CYREN: variants seen among roughly 807,000 people sequenced by gnomAD.
CYREN encodes cell cycle regulator of NHEJ.
Under a neutral mutation model 9.7 loss-of-function variants are expected in CYREN, and 7 were observed. The ratio of observed to expected loss-of-function variants is 0.72; its 90% CI spans 0.41 to 1.36. The LOEUF is 1.36. CYREN is among the 40% of genes most tolerant of loss of function. CYREN has a pLI of 0.01. For synonymous variants in CYREN, 76 were observed against 77.9 expected, an observed-to-expected ratio of 0.98 and a Z score of 0.13; for missense variants, 215 against 198.1, an observed-to-expected ratio of 1.09 and a Z score of -0.51.
chr7:135,145,509 T>G (rs772029467), intron 2 of CYREN, among the ~76,000 whole-genome samples: 10 of 152,174 alleles, frequency 6.6e-5, no homozygotes, highest in Non-Finnish European at 1.5e-4. Context: ...TGGGGCAGGT[T>G]GGAAGGGTCT....
chr7:135,170,369 G>C (rs868245346), intron 1 of CYREN: 5 of 152,462 alleles, frequency 3.3e-5, no homozygotes, highest in African/African-American at 1.2e-4. Flanking sequence ...CTCCCTCTGC[G>C]GGCCGGTACC....
intron 2 of CYREN, among the ~76,000 whole-genome samples, chr7:135,100,930 T>C (rs1264461184): frequency 6.6e-6 from 1 of 152,200 alleles, no homozygotes; most frequent in Non-Finnish European, 1.5e-5. Flanking sequence ...GCCTACATCA[T>C]GAGACTGATC....
chr7:135,124,826 A>T (rs897649227), intron 2 of CYREN, among the ~76,000 whole-genome samples: 1 of 152,220 alleles, frequency 6.6e-6, no homozygotes, highest in African/African-American at 2.4e-5. Flanking sequence ...TTAAAGCAGA[A>T]ATCAAGAAGT....
intron 3 of CYREN, 107 bp from the exon 4 acceptor site, chr7:135,166,978 T>C: frequency 6.5e-7 from 1 of 1,528,082 alleles, no homozygotes; most frequent in Non-Finnish European, 8.8e-7. Context: ...AAAGCCAATG[T>C]GACCAGGCCA....
At chr7:135,171,316 T>TTG (rs1830643615), upstream of CYREN, among the ~76,000 whole-genome samples, 1 of 16,876 alleles carries the variant, frequency 5.9e-5, no homozygotes, top group African/African-American at 7.7e-5. Context: ...CCTGTTTTTT[T>TTG]TTTTTTTTTT....
chr7:135,161,394 T>C (rs1394733679), downstream of CYREN, among the ~76,000 whole-genome samples: 1 of 152,124 alleles, frequency 6.6e-6, no homozygotes, highest in Non-Finnish European at 1.5e-5. The surrounding 1 kb of genome is among the most constrained non-coding windows in gnomAD (Gnocchi z 4.1). Context: ...GAGGGAGTGT[T>C]TAAACAAAGG....
intron 2 of CYREN, among the ~76,000 whole-genome samples, chr7:135,098,675 G>A (rs909370898): frequency 1.3e-5 from 2 of 152,164 alleles, no homozygotes; most frequent in African/African-American, 4.8e-5. Flanking sequence ...GCATTTAAGT[G>A]AGAATACACT....
intron 2 of CYREN, chr7:135,115,299 T>G: frequency 2.2e-6 from 2 of 906,332 alleles, no homozygotes; most frequent in Non-Finnish European, 3.3e-6. Context: ...TTAGATAAAA[T>G]CCTTGGCATA....
intron 2 of CYREN, among the ~76,000 whole-genome samples, chr7:135,124,473 A>G (rs1827583782): frequency 6.6e-6 from 1 of 152,224 alleles, no homozygotes; most frequent in South Asian, 2.1e-4. Flanking sequence ...CACTGTCAAT[A>G]TTAGACAGAT....
chr7:135,115,418 A>G (rs948169143), intron 2 of CYREN: 11 of 1,551,190 alleles, frequency 7.1e-6, no homozygotes, highest in African/African-American at 6.8e-5. Flanking sequence ...AAAAGAATGC[A>G]TATCTTTCCA....
chr7:135,144,830 G>A (rs1829513740), intron 2 of CYREN, among the ~76,000 whole-genome samples: 1 of 150,234 alleles, frequency 6.7e-6, no homozygotes, highest in Non-Finnish European at 1.5e-5. Context: ...CTACTTAGGA[G>A]GCTGAGGTGG....
At chr7:135,148,486 C>G (rs947393618) in intron 2 of CYREN, among the ~76,000 whole-genome samples, 9 of 152,310 alleles carry the variant, frequency 5.9e-5, no homozygotes, top group East Asian at 3.9e-4. Context: ...TCTTCGGCAT[C>G]AACATGTGTA....
exon 3 of CYREN, chr7:135,092,442 CTT>C (rs1404626498): frequency 6.6e-6 from 1 of 152,088 alleles, no homozygotes; most frequent in African/African-American, 2.4e-5. Flanking sequence ...TATATTCAAC[CTT>C]TGTTACATAA....
chr7:135,168,262 C>G (rs927264667), intron 2 of CYREN: 1 of 165,686 alleles, frequency 6.0e-6, no homozygotes, highest in Non-Finnish European at 1.2e-5. Flanking sequence ...GGGCCCCGCC[C>G]ACTTCACAGT....
chr7:135,142,097 C>A (rs1223828089), intron 2 of CYREN, among the ~76,000 whole-genome samples: 2 of 152,016 alleles, frequency 1.3e-5, no homozygotes, highest in Non-Finnish European at 2.9e-5. Context: ...TCCAGAATAT[C>A]TTTGTTAGTT....
chr7:135,156,962 C>T (rs1052645992), intron 2 of CYREN, among the ~76,000 whole-genome samples: 2 of 152,142 alleles, frequency 1.3e-5, no homozygotes, highest in Non-Finnish European at 2.9e-5. Flanking sequence ...CTTTTGCTTC[C>T]TCCTCATTTT....
rs377180518 is a variant in CYREN at position 135,108,180 on chromosome 7, T to C, written n.357-13598A>G. Among the ~76,000 whole-genome samples, 17 of 152,322 alleles carry C rather than the reference T, an allele frequency of 1.1e-4. No individual in the cohort carries two copies. In the South Asian group the frequency reaches 3.3e-3, roughly 30 times the overall value. ...TGTTTTTTTCCAGCTTGCCACTCTG[T>C]ACCTTTTAAATGGGGGCATTTAGCC... is the stretch of plus-strand genomic sequence containing the variant. On this transcript the variant is annotated intron_variant and non_coding_transcript_variant, in intron 2 of 2. Coordinates refer to the CYREN transcript ENST00000459937.
chr7:135,169,219 C>A, intron 1 of CYREN, 159 bp from the exon 2 acceptor site: 1 of 245,646 alleles, frequency 4.1e-6, no homozygotes, highest in Non-Finnish European at 7.9e-6. Context: ...GACAGCAGCT[C>A]AGGAGAGAGC....
chr7:135,116,534 G>A (rs1394798678), intron 2 of CYREN, among the ~76,000 whole-genome samples: 2 of 152,162 alleles, frequency 1.3e-5, no homozygotes, highest in Admixed American at 1.3e-4. Flanking sequence ...AGAGAAAGAG[G>A]TACTTCATTT....
Sources: allele counts gnomAD v4.1 joint callset (sites outside exome capture counted in the v4.1 genomes callset), GRCh38; gene constraint gnomAD v4.1.1; non-coding constraint Gnocchi (gnomAD v3.1); transcripts MANE v1.5; gene names NCBI Gene and HGNC (gene_info 2026-07-23, HGNC 2026-07-21).